Variants in ACOX1 observed in about 807,000 individuals in gnomAD.
The protein encoded by ACOX1 is peroxisomal acyl-coenzyme A oxidase 1.
In ACOX1, 41 loss-of-function variants were observed where a neutral mutation model predicts 75.5. That is an observed-to-expected ratio of 0.54 (90% confidence interval 0.42 to 0.70). The LOEUF is 0.70. Ranked by LOEUF, ACOX1 falls within the 30% of genes least tolerant of loss-of-function variation. The probability of loss-of-function intolerance (pLI) is 0.00; values close to 1 mark genes in which losing one functional copy is unlikely to be tolerated. For missense variants in ACOX1, 630 were observed against 837.5 expected (o/e 0.75, Z 3.06); for synonymous variants, 303 against 298.8 (o/e 1.01, Z -0.15).
chr17:75,953,730 T>G, intron 6 of ACOX1, 110 bp from the exon 7 acceptor site: 1 of 1,259,946 alleles, frequency 7.9e-7, no homozygotes, highest in Non-Finnish European at 1.1e-6. Flanking sequence ...ACCTGGCAAC[T>G]TGCATGAAAT....
At position 75,960,194 on chromosome 17, in the gene ACOX1, G is replaced by A. The variant is rs1437252404; in HGVS notation, c.430+21C>T. 6.2e-7 allele frequency: 1 copy of A among 1,613,846 alleles called. No homozygotes were observed. The highest frequency in any genetic ancestry group is 1.1e-5 in the South Asian group (1 of 91,052). ...TCACAGGGGCCCGCCCAACCCAGAA[G>A]GTAGACTGAATACTCCATACCATGA... On this transcript the variant is annotated intron_variant, in intron 3 of 13. Transcript: ENST00000293217. This position sits in a 1 kb window ranked among gnomAD's most constrained non-coding sequence, Gnocchi z 4.4.
intron 2 of ACOX1, chr17:75,973,600 C>T: frequency 6.2e-7 from 1 of 1,613,842 alleles, no homozygotes; most frequent in Non-Finnish European, 8.5e-7. Flanking sequence ...GGTGGGTTAC[C>T]CACAGACCCT....
rs2066014963 is a variant in ACOX1, at chr17:75,973,403, A to G, written c.269+5131T>C. ...CCCCATCTTTTCAAGCTGTTCAATA[A>G]TAAAAGGCTTTAGGAAATAACAGTG... On this transcript the variant is annotated intron_variant, in intron 2 of 13. Transcript: ENST00000293217. The G allele has an allele frequency of 8.5e-6, 5 of 587,034 alleles. No individual in the cohort carries two copies. The South Asian group carries it at 9.9e-5, about 12-fold the overall frequency. The allele number at this position is 587,034 out of a possible 1,614,324, so 36.4% of individuals were successfully genotyped here.
chr17:75,973,865 G>T, intron 2 of ACOX1: 1 of 1,465,288 alleles, frequency 6.8e-7, no homozygotes, highest in Non-Finnish European at 9.5e-7. Context: ...AACAGCTTTG[G>T]CCTTCAAGGA....
Position 75,950,007 on chromosome 17 carries a change from T to C in ACOX1, c.1299-110A>G. 1 of 1,182,648 alleles carries C rather than the reference T, an allele frequency of 8.5e-7. No homozygotes were observed. The highest frequency in any genetic ancestry group is 1.2e-6 in the Non-Finnish European group (1 of 819,318). 73.3% of individuals were successfully genotyped at this position (1,182,648 alleles called of 1,614,324 possible). On this transcript the variant is annotated intron_variant, in intron 9 of 13. Coordinates refer to ENST00000293217, the MANE Select transcript of ACOX1 (RefSeq NM_004035.7). The surrounding 1 kb of genome is among the most constrained non-coding windows in gnomAD (Gnocchi z 4.3). ...CTGGATGGAGTGCAATGGCCAGATC[T>C]CAGCTCACTGCAACCTCCTCCTCTT...
At chr17:75,967,672 ATATATATACG>A (rs1368855554) in intron 2 of ACOX1, among the ~76,000 whole-genome samples, 5 of 94,260 alleles carry the variant, frequency 5.3e-5, no homozygotes, top group South Asian at 2.7e-4. Context: ...ATATATATAC[ATATATATACG>A]TATATATATA....
At chr17:75,973,527 TCCCAA>T in intron 2 of ACOX1, 1 of 1,292,272 alleles carries the variant, frequency 7.7e-7, no homozygotes, top group Non-Finnish European at 1.1e-6. Context: ...AAAAATAGAA[TCCCAA>T]ACAGGTAGCA....
intron 2 of ACOX1, among the ~76,000 whole-genome samples, chr17:75,961,465 C>CAAA (rs142857967): frequency 3.2e-4 from 16 of 50,788 alleles, no homozygotes; most frequent in Non-Finnish European, 4.3e-4. Flanking sequence ...ACTAAAAATA[C>CAAA]AAAAAAAAAA....
chr17:75,973,776 C>T (rs781763502), intron 2 of ACOX1: 5 of 1,614,070 alleles, frequency 3.1e-6, no homozygotes, highest in Non-Finnish European at 4.2e-6. Flanking sequence ...CAAAATTGAC[C>T]AAATGTAGTC....
rs139470636 is a variant in ACOX1, at chr17:75,977,531, A to G, written c.269+1003T>C. ...GAGTGAGCCGAGATCGTGCCACTGC[A>G]CTGCAGCCTGGGCGACAGAGCGAGA... On this transcript the variant is annotated intron_variant, in intron 2 of 13. Transcript: ENST00000293217. Among the ~76,000 whole-genome samples the G allele has an allele frequency of 9.7e-3, 1,481 of 152,262 alleles. 16 individuals carry two copies. The highest frequency in any genetic ancestry group is 0.034 in the African/African-American group (1,400 of 41,548).
rs541359355 is a variant in ACOX1, at chr17:75,969,715, A to G, written c.269+8819T>C. On this transcript the variant is annotated intron_variant, in intron 2 of 13. Transcript: ENST00000293217. The stretch of plus-strand genomic sequence containing the variant: ...TGCATTATTTCATATTTAAGTGTTA[A>G]TGATGGCAATTTGCCAGGATACTGC... Among the ~76,000 whole-genome samples, 106 of 152,306 alleles carry G rather than the reference A, an allele frequency of 7.0e-4. No homozygotes were observed. In the South Asian group the frequency reaches 0.02, roughly 29 times the overall value.
At chr17:75,953,394 T>G (rs2065791903) in intron 7 of ACOX1, 57 bp downstream of exon 7, 22 of 1,597,430 alleles carry the variant, frequency 1.4e-5, no homozygotes, top group Non-Finnish European at 1.9e-5. Context: ...TTCTGGGATC[T>G]GAATGGGGTA....
intron 2 of ACOX1, among the ~76,000 whole-genome samples, chr17:75,969,397 C>A (rs571517156): frequency 6.6e-6 from 1 of 152,298 alleles, no homozygotes; most frequent in South Asian, 2.1e-4. Context: ...AACTCCCGAC[C>A]TCAGGTGATC....
At chr17:75,958,472 T>C (rs1029103329) in intron 3 of ACOX1, among the ~76,000 whole-genome samples, 5 of 146,944 alleles carry the variant, frequency 3.4e-5, no homozygotes, top group Middle Eastern at 3.2e-3. Flanking sequence ...ATTGAGACCA[T>C]CCTGGCTAAA....
In ACOX1 at chr17:75,960,738, G is replaced by A. The variant is rs909624284; in HGVS notation, c.270-363C>T. ...CATGCCTACAATCTCAGCACTTTGG[G>A]AGGCCAAGGCGGTCAGATCACCTTA... On this transcript the variant is annotated intron_variant, in intron 2 of 13. Coordinates refer to ENST00000293217, the MANE Select transcript of ACOX1 (RefSeq NM_004035.7). The surrounding 1 kb of genome is among the most constrained non-coding windows in gnomAD (Gnocchi z 4.4). Among the ~76,000 whole-genome samples the A allele has an allele frequency of 6.6e-6, 1 of 152,198 alleles. No homozygotes were observed. Among genetic ancestry groups the A allele is most frequent in the Non-Finnish European group, 1.5e-5 (1 of 68,034 alleles).
Position 75,978,888 on chromosome 17 carries a change from C to A in ACOX1, c.109+77G>T. Reference sequence around the variant, plus strand: ...GCTGGGCCAGAGGGCCTAGGCCCCACAGCGCCCCTGACTCCGCATCGAGGG... The same window carrying A: ...GCTGGGCCAGAGGGCCTAGGCCCCAAAGCGCCCCTGACTCCGCATCGAGGG... On this transcript the variant is annotated intron_variant, in intron 1 of 13. Coordinates refer to ENST00000293217, the MANE Select transcript of ACOX1 (RefSeq NM_004035.7). This position sits in a 1 kb window ranked among gnomAD's most constrained non-coding sequence, Gnocchi z 4.2. The A allele has an allele frequency of 1.9e-6, 3 of 1,601,380 alleles. No homozygotes were observed. Among genetic ancestry groups the A allele is most frequent in the Non-Finnish European group, 2.5e-6 (3 of 1,177,930 alleles).
rs996148270 is a variant in ACOX1, at chr17:75,969,043, C to G, written c.270-8668G>C. The stretch of plus-strand genomic sequence containing the variant: ...TATATTGTCAACTGGTTCTGTGTTT[C>G]AGGAAAAGCCTCAAACTATGCAGCA... On this transcript the variant is annotated intron_variant, in intron 2 of 13. Coordinates refer to ENST00000293217, the MANE Select transcript of ACOX1 (RefSeq NM_004035.7). Among the ~76,000 whole-genome samples, 7 of 152,296 alleles carry G rather than the reference C, an allele frequency of 4.6e-5. No individual in the cohort carries two copies. The East Asian group carries it at 1.3e-3, about 29-fold the overall frequency.
At chr17:75,963,330 T>A (rs1454567583) in intron 2 of ACOX1, among the ~76,000 whole-genome samples, 1 of 151,976 alleles carries the variant, frequency 6.6e-6, no homozygotes, top group Non-Finnish European at 1.5e-5. Flanking sequence ...ACCTATTTTT[T>A]AAAAAAAGAA....
Position 75,944,297 on chromosome 17 carries a change from T to C in ACOX1, c.*2451A>G, listed in dbSNP as rs562755014. The C allele has an allele frequency of 1.3e-5, 2 of 152,364 alleles. No homozygotes were observed. Among genetic ancestry groups the C allele is most frequent in the African/African-American group, 2.4e-5 (1 of 41,586 alleles). 9.4% of individuals were successfully genotyped at this position (152,364 alleles called of 1,614,324 possible). A position where few individuals can be genotyped will look rare whatever the true frequency, so the allele number is the denominator to read the frequency against. On this transcript the variant is annotated 3_prime_UTR_variant, in exon 14 of 14. Transcript: ENST00000293217. Reference sequence around the variant, plus strand: ...AAGACAAGGTTAAAATGTATCTTTGTACTTGTGAAAATGGCTTACAAAATT... The same window carrying C: ...AAGACAAGGTTAAAATGTATCTTTGCACTTGTGAAAATGGCTTACAAAATT...
Sources: gnomAD v4.1 joint callset for allele counts (sites outside exome capture counted in the v4.1 genomes callset) on GRCh38, gnomAD v4.1.1 for gene constraint, Gnocchi (gnomAD v3.1) non-coding constraint, MANE v1.5 for transcripts, NCBI Gene and HGNC (gene_info 2026-07-23, HGNC 2026-07-21) for gene names.